The following CLRN2 variants were observed in gnomAD, a reference collection of about 807,000 sequenced individuals.
The protein encoded by CLRN2 is clarin-2.
Under a neutral mutation model 20.1 loss-of-function variants are expected in CLRN2, and 17 were observed. The observed-to-expected ratio is 0.85, with a 90% confidence interval of 0.58 to 1.27. CLRN2 has a LOEUF of 1.27. CLRN2 is among the 50% of genes most tolerant of loss of function. The pLI, the probability that CLRN2 is intolerant of heterozygous loss-of-function variation, is 0.00. For missense variants in CLRN2, 288 were observed against 299.5 expected (o/e 0.96, Z 0.28); for synonymous variants, 140 against 126.9 (o/e 1.10, Z -0.70).
intron 1 of CLRN2, among the ~76,000 whole-genome samples, chr4:17,516,172 G>C (rs1711666955): frequency 6.6e-6 from 1 of 152,214 alleles, no homozygotes; most frequent in South Asian, 2.1e-4. Flanking sequence ...TTTACTGGTG[G>C]GGAGACCTCA....
intron 1 of CLRN2, among the ~76,000 whole-genome samples, chr4:17,516,827 C>T (rs1457205469): frequency 2.0e-5 from 3 of 152,292 alleles, no homozygotes; most frequent in South Asian, 2.1e-4. Context: ...AGGATGTCTT[C>T]GGGACTTTAG....
chr4:17,524,021 A>G (rs1192715607), intron 2 of CLRN2, among the ~76,000 whole-genome samples: 2 of 151,938 alleles, frequency 1.3e-5, no homozygotes, highest in Non-Finnish European at 2.9e-5. Flanking sequence ...GGGAGGTATT[A>G]TTAGACCCAC....
chr4:17,516,217 C>T (rs936056237), intron 1 of CLRN2, among the ~76,000 whole-genome samples: 1 of 152,172 alleles, frequency 6.6e-6, no homozygotes, highest in African/African-American at 2.4e-5. Flanking sequence ...TGAACGTGAG[C>T]GGGCACCGAC....
At chr4:17,521,911 C>A (rs1711845015) in intron 1 of CLRN2, among the ~76,000 whole-genome samples, 1 of 152,206 alleles carries the variant, frequency 6.6e-6, no homozygotes, top group Non-Finnish European at 1.5e-5. Context: ...GTGTGACCCC[C>A]TAGTCAGTAA....
At chr4:17,523,270 AGTG>A (rs1055326926) in intron 2 of CLRN2, among the ~76,000 whole-genome samples, 1 of 147,862 alleles carries the variant, frequency 6.8e-6, no homozygotes, top group Non-Finnish European at 1.5e-5. Context: ...ACTGAAGTGC[AGTG>A]GTGCGATCTC....
At position 17,522,881 on chromosome 4, in the gene CLRN2, A is replaced by G. The variant is rs1377404747; in HGVS notation, c.271A>G (p.Lys91Glu). The change falls in exon 2 of 3, where the codon AAG (lysine) becomes GAG (glutamate). Residue 91 changes from lysine to glutamate, a missense_variant. By Grantham distance (56) the Lys-to-Glu change is moderately conservative (BLOSUM62 1). Transcript: ENST00000511148. The stretch of plus-strand genomic sequence containing the variant: ...CTCCCCAGTCTTCCCACACCTGGTG[A>G]AGGAGCTCAACGCAGGCCTTCATGT... The part of the protein sequence containing the change: ...SQFTIFPHLV[K>E]ELNAGLHVMI... 3.7e-6 allele frequency: 6 copies of G among 1,613,680 alleles called. No homozygotes were observed. In the African/African-American group the frequency reaches 8.0e-5, roughly 22 times the overall value.
chr4:17,521,350 C>T (rs1347348896), intron 1 of CLRN2, among the ~76,000 whole-genome samples: 1 of 152,212 alleles, frequency 6.6e-6, no homozygotes, highest in Admixed American at 6.5e-5. Flanking sequence ...CTCTAGTTCT[C>T]AGGACTGGGA....
Position 17,526,870 on chromosome 4 carries a change from G to T in CLRN2, c.487G>T (p.Asp163Tyr). The T allele has an allele frequency of 6.2e-7, 1 of 1,613,956 alleles. No individual in the cohort carries two copies. Among genetic ancestry groups the T allele is most frequent in the Non-Finnish European group, 8.5e-7 (1 of 1,179,864 alleles). The change falls in exon 3 of 3, where the codon GAC (aspartate) becomes TAC (tyrosine). Residue 163 changes from aspartate to tyrosine, a missense_variant. Physicochemically the swap from Asp to Tyr is radical, Grantham distance 160 (BLOSUM62 -3). Transcript: ENST00000511148. ...CTTCGTGGCTGCGGTGAAATTTCAC[G>T]ACCTGACGGAACGAATCGCCAACTT... Reference protein sequence around the residue: ...ASFVAAVKFHDLTERIANFQE... With the variant: ...ASFVAAVKFHYLTERIANFQE...
At chr4:17,525,298 T>C (rs1711945779) in intron 2 of CLRN2, among the ~76,000 whole-genome samples, 1 of 152,134 alleles carries the variant, frequency 6.6e-6, no homozygotes, top group Non-Finnish European at 1.5e-5. Flanking sequence ...AATACTTACA[T>C]AAATTATAGT....
chr4:17,518,538 A>G (rs1711751357), intron 1 of CLRN2, among the ~76,000 whole-genome samples: 1 of 152,208 alleles, frequency 6.6e-6, no homozygotes, highest in South Asian at 2.1e-4. Context: ...AGGCAGGTGG[A>G]TCACCTGAGA....
At chr4:17,518,279 T>TA (rs1711738325) in intron 1 of CLRN2, among the ~76,000 whole-genome samples, 5 of 152,188 alleles carry the variant, frequency 3.3e-5, no homozygotes, top group Non-Finnish European at 7.3e-5. Context: ...AAGATTAAGG[T>TA]CCTTTTTTTA....
chr4:17,515,546 G>C, intron 1 of CLRN2, 27 bp downstream of exon 1: 1 of 1,607,182 alleles, frequency 6.2e-7, no homozygotes, highest in Non-Finnish European at 8.5e-7. Context: ...CATGAAAGCT[G>C]ATTCTAGGCA....
At chr4:17,520,060 C>T (rs184848100) in intron 1 of CLRN2, among the ~76,000 whole-genome samples, 191 of 152,200 alleles carry the variant, frequency 1.3e-3, no homozygotes, top group East Asian at 5.8e-3. Context: ...CTCTATTAAA[C>T]ATGAGGTCCT....
chr4:17,524,075 G>A (rs562410209), intron 2 of CLRN2, among the ~76,000 whole-genome samples: 131 of 151,944 alleles, frequency 8.6e-4, no homozygotes, highest in African/African-American at 2.8e-3. Context: ...TTAAACAGTC[G>A]CACCACAATG....
chr4:17,520,355 T>G (rs1042617847), intron 1 of CLRN2, among the ~76,000 whole-genome samples: 1 of 152,248 alleles, frequency 6.6e-6, no homozygotes. Context: ...TTATGGACAT[T>G]ATGGATACTT....
chr4:17,523,128 A>G, intron 2 of CLRN2, 85 bp downstream of exon 2: 1 of 1,183,834 alleles, frequency 8.4e-7, no homozygotes. Context: ...GTGTGAAGGA[A>G]CTAAAATGCC....
Position 17,527,004 on chromosome 4 carries a change from G to C in CLRN2, c.621G>C (p.Ala207=). Residue 207 remains alanine, a synonymous_variant, in exon 3 of 3, where the codon GCG becomes GCC. Transcript: ENST00000511148. ...SAHAANLVVV[A]ISQIPLPEIK... is the part of the protein sequence containing the mutation. ...ATGCTGCAAACTTGGTCGTGGTGGC[G>C]ATCAGTCAAATTCCCCTCCCTGAGA... The C allele has an allele frequency of 6.2e-7, 1 of 1,613,996 alleles. No homozygotes were observed. Among genetic ancestry groups the C allele is most frequent in the Admixed American group, 1.7e-5 (1 of 60,016 alleles).
At chr4:17,518,056 C>A (rs1711724754) in intron 1 of CLRN2, among the ~76,000 whole-genome samples, 1 of 42,464 alleles carries the variant, frequency 2.4e-5, no homozygotes. Context: ...CACTATCCAT[C>A]TGTAGAAAAA....
intron 1 of CLRN2, among the ~76,000 whole-genome samples, chr4:17,517,711 C>T (rs1163721758): frequency 6.6e-6 from 1 of 152,152 alleles, no homozygotes; most frequent in African/African-American, 2.4e-5. Flanking sequence ...GCATAAAGGA[C>T]ATTTTATTCT....
Sources: allele counts gnomAD v4.1 joint callset (sites outside exome capture counted in the v4.1 genomes callset), GRCh38; gene constraint gnomAD v4.1.1; transcripts MANE v1.5; gene names NCBI Gene and HGNC (gene_info 2026-07-23, HGNC 2026-07-21).